The following TTLL11 variants were observed in gnomAD, a reference collection of about 807,000 sequenced individuals.
TTLL11 encodes the protein tubulin polyglutamylase TTLL11.
Under a neutral mutation model 51.7 loss-of-function variants are expected in TTLL11, and 42 were observed. That is an observed-to-expected ratio of 0.81 (90% CI 0.64 to 1.05). The LOEUF is 1.05. Ranked by LOEUF, TTLL11 falls within the 50% of genes least tolerant of loss-of-function variation. The pLI, the probability that TTLL11 is intolerant of heterozygous loss-of-function variation, is 0.00. For missense variants in TTLL11, 799 were observed against 940.4 expected (o/e 0.85, Z 1.97); for synonymous variants, 381 against 383.5 (o/e 0.99, Z 0.08).
Position 121,901,737 on chromosome 9 carries a change from T to C in TTLL11, c.1482-30989A>G, listed in dbSNP as rs140577675. On this transcript the variant is annotated intron_variant, in intron 6 of 8. Coordinates refer to ENST00000321582, the MANE Select transcript of TTLL11 (RefSeq NM_001139442.2). ...GGAGTTTCCAATCTAATTTCCCTCA[T>C]TGTTGGGTCTCTAGACTTTGTTTCT... is the stretch of plus-strand genomic sequence containing the variant. 3.1e-3 allele frequency among the ~76,000 whole-genome samples: 473 copies of C among 152,292 alleles called. 3 individuals are homozygous for C. The highest frequency in any genetic ancestry group is 0.011 in the African/African-American group (452 of 41,570).
At chr9:121,987,997 C>G (rs148100465) in intron 4 of TTLL11, among the ~76,000 whole-genome samples, 1 of 152,122 alleles carries the variant, frequency 6.6e-6, no homozygotes, top group African/African-American at 2.4e-5. Flanking sequence ...CTTCCCCCAA[C>G]AGCCTGGTCC....
chr9:121,941,306 T>C (rs1182878538), intron 6 of TTLL11, among the ~76,000 whole-genome samples: 1 of 152,218 alleles, frequency 6.6e-6, no homozygotes, highest in Admixed American at 6.5e-5. Flanking sequence ...TTTCCTCCTC[T>C]ACCCTCCTCT....
chr9:121,935,480 G>C (rs561611905), intron 6 of TTLL11, among the ~76,000 whole-genome samples: 23 of 152,300 alleles, frequency 1.5e-4, no homozygotes, highest in African/African-American at 5.3e-4. Context: ...ACAAGGCCTT[G>C]TCAGGCATTT....
At chr9:121,907,451 A>AAAG (rs1491480639) in intron 6 of TTLL11, among the ~76,000 whole-genome samples, 11 of 86,714 alleles carry the variant, frequency 1.3e-4, no homozygotes, top group African/African-American at 6.8e-4. Flanking sequence ...ACTCTGTCTC[A>AAAG]AAAAAAAAAA....
At chr9:121,896,090 TTGTG>T (rs758158201) in intron 6 of TTLL11, among the ~76,000 whole-genome samples, 14 of 151,272 alleles carry the variant, frequency 9.3e-5, no homozygotes, top group Non-Finnish European at 1.6e-4. Context: ...GCCCGTTTGG[TTGTG>T]TGTGTTTGTG....
chr9:122,003,980 G>C (rs1266596850), intron 3 of TTLL11, among the ~76,000 whole-genome samples: 1 of 151,368 alleles, frequency 6.6e-6, no homozygotes, highest in East Asian at 2.0e-4. Flanking sequence ...AAAGTGGCTG[G>C]GTGTGGTGGC....
At chr9:121,903,590 T>C (rs1415425897) in intron 6 of TTLL11, among the ~76,000 whole-genome samples, 1 of 152,236 alleles carries the variant, frequency 6.6e-6, no homozygotes, top group East Asian at 1.9e-4. Context: ...CTTGTAAGGT[T>C]GTTGTGAAGA....
chr9:121,959,252 C>T (rs4144644), intron 6 of TTLL11, among the ~76,000 whole-genome samples: 11,763 of 152,152 alleles, frequency 0.077, 689 homozygotes, highest in African/African-American at 0.16. Context: ...CATTTGCCAC[C>T]GAAATCACTT....
chr9:122,034,133 GTGT>G (rs1844635271), intron 2 of TTLL11, among the ~76,000 whole-genome samples: 1 of 152,192 alleles, frequency 6.6e-6, no homozygotes, highest in African/African-American at 2.4e-5. Context: ...TGACCAAATA[GTGT>G]TGTGGTATTT....
At position 121,822,958 on chromosome 9, in the gene TTLL11, G is replaced by A. The variant is rs1836629475; in HGVS notation, c.1841-79C>T. 1 of 1,434,974 alleles carries A rather than the reference G, an allele frequency of 7.0e-7. No homozygotes were observed. Among genetic ancestry groups the A allele is most frequent in the East Asian group, 2.5e-5 (1 of 39,682 alleles). 88.9% of individuals were successfully genotyped at this position (1,434,974 alleles called of 1,614,324 possible). Reference sequence around the variant, plus strand: ...TGGGAAGGCCCACCTCCAGCCACAAGGATGTCAGCAAGAGCTAGCCCCGCT... The same window carrying A: ...TGGGAAGGCCCACCTCCAGCCACAAAGATGTCAGCAAGAGCTAGCCCCGCT... On this transcript the variant is annotated intron_variant, in intron 8 of 8. Coordinates refer to ENST00000321582, the MANE Select transcript of TTLL11 (RefSeq NM_001139442.2). The surrounding 1 kb of genome is among the most constrained non-coding windows in gnomAD (Gnocchi z 5.8).
At chr9:121,830,090 C>A (rs1195417058) in intron 8 of TTLL11, among the ~76,000 whole-genome samples, 5 of 152,138 alleles carry the variant, frequency 3.3e-5, no homozygotes, top group African/African-American at 1.2e-4. Flanking sequence ...TGCATTTAAT[C>A]CACTGAATAG....
chr9:121,951,865 G>A (rs1841861777), intron 6 of TTLL11, among the ~76,000 whole-genome samples: 2 of 152,204 alleles, frequency 1.3e-5, no homozygotes, highest in Admixed American at 6.5e-5. Flanking sequence ...GCTAAACAAA[G>A]GGTAGATTAT....
intron 6 of TTLL11, among the ~76,000 whole-genome samples, chr9:121,891,425 T>A (rs1839226816): frequency 6.6e-6 from 1 of 152,210 alleles, no homozygotes; most frequent in Non-Finnish European, 1.5e-5. Flanking sequence ...TAGCCTTTGA[T>A]GCAACAGCGG....
chr9:122,089,276 TG>T (rs1846201545), intron 1 of TTLL11, among the ~76,000 whole-genome samples: 2 of 152,146 alleles, frequency 1.3e-5, no homozygotes, highest in South Asian at 4.1e-4. Flanking sequence ...CAACACAGCA[TG>T]GGCTGCAAGA....
chr9:121,942,647 A>G (rs991491977), intron 6 of TTLL11, among the ~76,000 whole-genome samples: 6 of 151,510 alleles, frequency 4.0e-5, no homozygotes, highest in African/African-American at 1.5e-4. Context: ...CTGATCTCTG[A>G]GCCTGACATT....
At chr9:122,012,845 C>T (rs1843852476) in intron 3 of TTLL11, among the ~76,000 whole-genome samples, 1 of 152,312 alleles carries the variant, frequency 6.6e-6, no homozygotes, top group African/African-American at 2.4e-5. Flanking sequence ...TTCATTTCCA[C>T]ATTTTCAAAA....
Position 121,850,887 on chromosome 9 carries a change from G to A in TTLL11, c.1840+9450C>T, listed in dbSNP as rs140089070. On this transcript the variant is annotated intron_variant, in intron 8 of 8. Coordinates refer to ENST00000321582, the MANE Select transcript of TTLL11 (RefSeq NM_001139442.2). ...AAACTTATGTCCACACAAAACCCAC[G>A]CACGAATGTTTATAGTAGCTTTAAT... 1.4e-3 allele frequency among the ~76,000 whole-genome samples: 218 copies of A among 152,232 alleles called. 1 individual carries two copies. Among genetic ancestry groups the A allele is most frequent in the African/African-American group, 4.6e-3 (190 of 41,530 alleles).
At chr9:121,956,537 G>A (rs1227620916) in intron 6 of TTLL11, among the ~76,000 whole-genome samples, 1 of 152,178 alleles carries the variant, frequency 6.6e-6, no homozygotes, top group Non-Finnish European at 1.5e-5. Flanking sequence ...CTGTTTCAAT[G>A]GCCTCCCTCG....
At chr9:122,032,940 G>C (rs1020333375) in intron 2 of TTLL11, among the ~76,000 whole-genome samples, 4 of 151,778 alleles carry the variant, frequency 2.6e-5, no homozygotes, top group Non-Finnish European at 5.9e-5. Flanking sequence ...GACTACAGGT[G>C]TGTGCCACCA....
Sources: allele counts gnomAD v4.1 joint callset (sites outside exome capture counted in the v4.1 genomes callset), GRCh38; gene constraint gnomAD v4.1.1; non-coding constraint Gnocchi (gnomAD v3.1); transcripts MANE v1.5; gene names NCBI Gene and HGNC (gene_info 2026-07-23, HGNC 2026-07-21).